Variants in DGKB observed in about 807,000 individuals in gnomAD.
The protein encoded by DGKB is diacylglycerol kinase beta.
DGKB carries 67 observed loss-of-function variants against 114.3 expected under a neutral mutation model. The ratio of observed to expected loss-of-function variants is 0.59; its 90% CI spans 0.48 to 0.72. DGKB has a LOEUF of 0.72. Among genes scored for constraint, DGKB ranks in the 30% least tolerant of loss-of-function variants. The pLI, the probability that DGKB is intolerant of heterozygous loss-of-function variation, is 0.00. For synonymous variants in DGKB, 398 were observed against 323.1 expected (o/e 1.23, Z -2.49); for missense variants, 907 against 975.2 (o/e 0.93, Z 0.93).
intron 1 of DGKB, among the ~76,000 whole-genome samples, chr7:14,964,248 G>A (rs557953615): frequency 6.6e-6 from 1 of 152,292 alleles, no homozygotes; most frequent in East Asian, 1.9e-4. Context: ...GCTCACACCT[G>A]TAATCCCAGC....
chr7:14,635,923 A>G (rs1377476009), intron 13 of DGKB, among the ~76,000 whole-genome samples: 1 of 151,676 alleles, frequency 6.6e-6, no homozygotes, highest in Non-Finnish European at 1.5e-5. Flanking sequence ...GCTTTCCAGA[A>G]TACAAATATA....
chr7:14,274,942 A>AGTGTGTGTGTGTGT (rs10538591), intron 23 of DGKB, among the ~76,000 whole-genome samples: 11 of 146,296 alleles, frequency 7.5e-5, no homozygotes, highest in African/African-American at 2.7e-4. Context: ...AGTCCATAGC[A>AGTGTGTGTGTGTGT]GTGTGTGTGT....
rs570911570 is a variant in DGKB, at chr7:14,226,140, AGAAAT to A, written c.2123-47994_2123-47990del. Among the ~76,000 whole-genome samples, 334 of 152,154 alleles carry A rather than the reference AGAAAT, an allele frequency of 2.2e-3. 1 individual carries two copies. Among genetic ancestry groups the A allele is most frequent in the Non-Finnish European group, 3.7e-3 (251 of 67,960 alleles). Reference sequence around the variant, plus strand: ...TGTCAGAATCCCAAGAAGGTATAATAGAAATGAAATAAGTAAAAATAAATCCACAC... The same window carrying A: ...TGTCAGAATCCCAAGAAGGTATAATAGAAATAAGTAAAAATAAATCCACAC... On this transcript the variant is annotated intron_variant, in intron 23 of 25. Coordinates refer to ENST00000402815, the MANE Select transcript of DGKB (RefSeq NM_001350709.2).
rs574550235 is a variant in DGKB at position 14,668,384 on chromosome 7, T to TA, written c.1134+4544dup. ...GTTTCAGTAGCTGAGATACAACAGA[T>TA]AAAATCTCTCTATTGGGATTTGGAG... On this transcript the variant is annotated intron_variant, in intron 13 of 25. Transcript: ENST00000402815. Among the ~76,000 whole-genome samples, 11 of 152,206 alleles carry TA rather than the reference T, an allele frequency of 7.2e-5. No individual in the cohort carries two copies. The East Asian group carries it at 2.1e-3, about 29-fold the overall frequency.
At chr7:14,826,095 G>A (rs1473715651) in intron 2 of DGKB, among the ~76,000 whole-genome samples, 1 of 152,178 alleles carries the variant, frequency 6.6e-6, no homozygotes, top group African/African-American at 2.4e-5. Context: ...AAGTAGCAGT[G>A]TTAAACTTGC....
chr7:14,565,457 A>C (rs1461932452), intron 20 of DGKB, among the ~76,000 whole-genome samples: 1 of 152,198 alleles, frequency 6.6e-6, no homozygotes, highest in African/African-American at 2.4e-5. Context: ...AAATATGTCA[A>C]TGACTCCAAA....
chr7:14,511,360 C>T (rs1265915203), intron 20 of DGKB, among the ~76,000 whole-genome samples: 1 of 152,166 alleles, frequency 6.6e-6, no homozygotes, highest in Non-Finnish European at 1.5e-5. Flanking sequence ...CTTTAAAGCT[C>T]TGGAGATGGC....
chr7:14,417,211 T>A (rs866578613), intron 21 of DGKB, among the ~76,000 whole-genome samples: 20 of 152,226 alleles, frequency 1.3e-4, no homozygotes, highest in Non-Finnish European at 2.8e-4. Flanking sequence ...TTTAGGCTTC[T>A]ACATTTTTAA....
chr7:14,210,714 TC>T (rs1254680177), intron 23 of DGKB, among the ~76,000 whole-genome samples: 14 of 152,044 alleles, frequency 9.2e-5, no homozygotes, highest in Non-Finnish European at 2.1e-4. Flanking sequence ...CAAATCTTTC[TC>T]ACCTCAAGAG....
intron 23 of DGKB, among the ~76,000 whole-genome samples, chr7:14,317,609 C>T (rs889469416): frequency 4.2e-5 from 6 of 143,340 alleles, no homozygotes; most frequent in African/African-American, 1.3e-4. Flanking sequence ...AGGACAACTA[C>T]AAACCACTGC....
chr7:14,463,805 G>A (rs1414429053), intron 21 of DGKB, among the ~76,000 whole-genome samples: 1 of 152,062 alleles, frequency 6.6e-6, no homozygotes, highest in South Asian at 2.1e-4. Context: ...GATTGTGTGT[G>A]GATTAAATAA....
At chr7:14,371,342 T>C (rs902148150) in intron 21 of DGKB, among the ~76,000 whole-genome samples, 1 of 152,152 alleles carries the variant, frequency 6.6e-6, no homozygotes, top group Admixed American at 6.6e-5. Flanking sequence ...CTGTTGCTTT[T>C]TGACTTTTTA....
At chr7:14,596,423 A>T (rs958798663) in intron 17 of DGKB, among the ~76,000 whole-genome samples, 1 of 152,140 alleles carries the variant, frequency 6.6e-6, no homozygotes, top group African/African-American at 2.4e-5. Flanking sequence ...GACCATTTTT[A>T]TCAAGACATG....
chr7:14,260,300 G>A (rs1254230130), intron 23 of DGKB, among the ~76,000 whole-genome samples: 1 of 152,132 alleles, frequency 6.6e-6, no homozygotes, highest in Admixed American at 6.6e-5. Context: ...ATATCATTAG[G>A]ACTCCTTATA....
rs142737914 is a variant in DGKB, at chr7:14,178,234, A to G, written c.2123-83T>C. The G allele has an allele frequency of 1.2e-3, 1,775 of 1,429,070 alleles. 18 individuals are homozygous for G. The African/African-American group carries it at 0.023, about 19-fold the overall frequency. The allele number at this position is 1,429,070 out of a possible 1,614,324, so 88.5% of individuals were successfully genotyped here. ...ATGCCATTTGATATTATGGAGATTA[A>G]AAAAAATAACAGCCACTTCACAAAG... On this transcript the variant is annotated intron_variant, in intron 23 of 25. Coordinates refer to ENST00000402815, the MANE Select transcript of DGKB (RefSeq NM_001350709.2).
intron 21 of DGKB, among the ~76,000 whole-genome samples, chr7:14,413,760 G>C (rs1825269876): frequency 6.6e-6 from 1 of 152,180 alleles, no homozygotes; most frequent in African/African-American, 2.4e-5. Context: ...CAGGGCAAGA[G>C]TGATGAATGT....
intron 23 of DGKB, among the ~76,000 whole-genome samples, chr7:14,185,227 C>T (rs186604723): frequency 2.6e-5 from 4 of 152,104 alleles, no homozygotes; most frequent in East Asian, 3.9e-4. Flanking sequence ...ACAATAATGG[C>T]GACCAAGTGG....
intron 1 of DGKB, among the ~76,000 whole-genome samples, chr7:14,900,348 G>T (rs1267724000): frequency 6.6e-6 from 1 of 152,128 alleles, no homozygotes; most frequent in Non-Finnish European, 1.5e-5. Context: ...CTGGGCAAGT[G>T]CTCCTCGGCT....
intron 2 of DGKB, among the ~76,000 whole-genome samples, chr7:14,817,935 C>CA (rs58195416): frequency 0.46 from 67,613 of 147,516 alleles, 16,273 homozygotes; most frequent in South Asian, 0.62. Context: ...ATTCTGGTGA[C>CA]AAAAAAAAAA....
Sources: allele counts gnomAD v4.1 joint callset (sites outside exome capture counted in the v4.1 genomes callset), GRCh38; gene constraint gnomAD v4.1.1; transcripts MANE v1.5; gene names NCBI Gene and HGNC (gene_info 2026-07-23, HGNC 2026-07-21).